The following TBC1D14 variants were observed in gnomAD, a reference collection of about 807,000 sequenced individuals.
TBC1D14 encodes TBC1 domain family member 14, also known as TBC1 domain family, member 14.
A neutral mutation model predicts 79.0 loss-of-function variants in TBC1D14; 26 were observed. The observed-to-expected ratio is 0.33, with a 90% CI of 0.24 to 0.46. The LOEUF (loss-of-function observed/expected upper bound fraction) is 0.46, where lower values mean the gene tolerates loss of function less well. Ranked by LOEUF, TBC1D14 falls within the 20% of genes least tolerant of loss-of-function variation. The pLI is 1.00. For synonymous variants in TBC1D14, 394 were observed against 349.9 expected, an observed-to-expected ratio of 1.13 and a Z score of -1.40; for missense variants, 769 against 887.6, an observed-to-expected ratio of 0.87 and a Z score of 1.70.
In TBC1D14 at chr4:7,023,051, C is replaced by G. The variant is rs1560364031; in HGVS notation, c.1758-1953C>G. On this transcript the variant is annotated intron_variant, in intron 12 of 13. Coordinates refer to ENST00000409757, the MANE Select transcript of TBC1D14 (RefSeq NM_020773.3). ...TAGGTGAATCACGAGGTCAGGAGTTCAAGACCAGCCGGGCCAAGATGGTGA... is the reference window on the plus strand; with the variant it reads ...TAGGTGAATCACGAGGTCAGGAGTTGAAGACCAGCCGGGCCAAGATGGTGA... 2.0e-5 allele frequency among the ~76,000 whole-genome samples: 3 copies of G among 152,166 alleles called. No homozygotes were observed. In the East Asian group the frequency reaches 5.8e-4, roughly 30 times the overall value.
chr4:7,026,001 T>C (rs747828983), intron 13 of TBC1D14, among the ~76,000 whole-genome samples: 10 of 152,210 alleles, frequency 6.6e-5, no homozygotes, highest in Non-Finnish European at 1.0e-4. Context: ...ATGAAGACTT[T>C]TCCTTTTCTG....
intron 1 of TBC1D14, among the ~76,000 whole-genome samples, chr4:6,921,360 C>T (rs972510387): frequency 6.6e-6 from 1 of 151,984 alleles, no homozygotes; most frequent in Non-Finnish European, 1.5e-5. Flanking sequence ...AGACGTGCCA[C>T]CACACCCAGC....
intron 2 of TBC1D14, among the ~76,000 whole-genome samples, chr4:6,953,127 G>T (rs1403869252): frequency 6.7e-6 from 1 of 148,234 alleles, no homozygotes; most frequent in African/African-American, 2.5e-5. Flanking sequence ...CCAGCTTCAG[G>T]CAGTTCTTTG....
chr4:6,982,673 C>T (rs564334855), intron 3 of TBC1D14, among the ~76,000 whole-genome samples: 6 of 152,238 alleles, frequency 3.9e-5, no homozygotes, highest in East Asian at 1.9e-4. Flanking sequence ...CAGATGAATA[C>T]GCATATAGGT....
intron 1 of TBC1D14, among the ~76,000 whole-genome samples, chr4:6,922,961 G>T (rs886272883): frequency 1.2e-4 from 19 of 152,356 alleles, no homozygotes; most frequent in African/African-American, 4.6e-4. Context: ...AGCATTTTGG[G>T]AGGCCGAGGT....
intron 3 of TBC1D14, among the ~76,000 whole-genome samples, chr4:6,992,394 G>C (rs1718595630): frequency 6.6e-6 from 1 of 152,232 alleles, no homozygotes; most frequent in South Asian, 2.1e-4. Context: ...CTGGCTGTAT[G>C]CTTCAGGCAA....
At chr4:6,964,875 A>G (rs1390602926) in intron 2 of TBC1D14, among the ~76,000 whole-genome samples, 2 of 152,204 alleles carry the variant, frequency 1.3e-5, no homozygotes, top group Non-Finnish European at 2.9e-5. Context: ...CGGAACTCCA[A>G]TATATTCTTT....
intron 2 of TBC1D14, among the ~76,000 whole-genome samples, chr4:6,947,756 A>C (rs947519231): frequency 3.9e-5 from 6 of 151,936 alleles, no homozygotes; most frequent in Non-Finnish European, 8.8e-5. Context: ...TGTTTGAAGG[A>C]GATTTCAAGG....
chr4:6,965,355 C>T (rs1715609856), intron 2 of TBC1D14, among the ~76,000 whole-genome samples: 1 of 152,104 alleles, frequency 6.6e-6, no homozygotes, highest in South Asian at 2.1e-4. Context: ...GAAACAGTTC[C>T]TCAGCCTTTC....
At chr4:6,912,601 G>T (rs561423803) in intron 1 of TBC1D14, among the ~76,000 whole-genome samples, 1 of 152,204 alleles carries the variant, frequency 6.6e-6, no homozygotes, top group East Asian at 1.9e-4. Flanking sequence ...GCTGTACATT[G>T]TGGCCTTGTA....
At chr4:6,962,390 G>A (rs1030080296) in intron 2 of TBC1D14, among the ~76,000 whole-genome samples, 1 of 152,078 alleles carries the variant, frequency 6.6e-6, no homozygotes, top group Non-Finnish European at 1.5e-5. Context: ...TTTACTTGCC[G>A]TGCCCTTGAT....
intron 11 of TBC1D14, among the ~76,000 whole-genome samples, chr4:7,013,018 G>T (rs1410346727): frequency 6.6e-6 from 1 of 152,058 alleles, no homozygotes; most frequent in African/African-American, 2.4e-5. Flanking sequence ...CTAAGTTTCT[G>T]CTGATTTTGA....
At chr4:7,001,944 C>T (rs1458238677) in intron 7 of TBC1D14, among the ~76,000 whole-genome samples, 2 of 152,198 alleles carry the variant, frequency 1.3e-5, no homozygotes, top group Non-Finnish European at 2.9e-5. Flanking sequence ...TGTGGAAAGA[C>T]GGGGCTACCT....
chr4:6,990,952 T>C (rs895532976), intron 3 of TBC1D14, among the ~76,000 whole-genome samples: 2 of 152,212 alleles, frequency 1.3e-5, no homozygotes, highest in African/African-American at 4.8e-5. Flanking sequence ...TCCTCTTTCT[T>C]CTTTCTAAAG....
chr4:7,007,612 G>C, intron 9 of TBC1D14: 1 of 1,289,162 alleles, frequency 7.8e-7, no homozygotes, highest in Non-Finnish European at 1.0e-6. Context: ...CAGCAGCTTT[G>C]GTCCTGGTGT....
intron 11 of TBC1D14, among the ~76,000 whole-genome samples, chr4:7,012,366 C>T (rs1720868154): frequency 6.6e-6 from 1 of 151,360 alleles, no homozygotes; most frequent in South Asian, 2.1e-4. Flanking sequence ...TAAATTGGCA[C>T]AGTCCTTTTG....
At position 7,030,599 on chromosome 4, in the gene TBC1D14, T is replaced by C. The variant is rs1205851953; in HGVS notation, c.*207T>C. 2.0e-6 allele frequency: 1 copy of C among 499,496 alleles called. No individual in the cohort carries two copies. The highest frequency in any genetic ancestry group is 3.6e-6 in the Non-Finnish European group (1 of 274,070). The allele number at this position is 499,496 out of a possible 1,614,324, so 30.9% of individuals were successfully genotyped here. On this transcript the variant is annotated 3_prime_UTR_variant, in exon 14 of 14. Coordinates refer to ENST00000409757, the MANE Select transcript of TBC1D14 (RefSeq NM_020773.3). Reference sequence around the variant, plus strand: ...AGCCTTAAGCAGCTCAGTGGAAGGATGAGCTGCTGCGGACCACAGCCAGCC... The same window carrying C: ...AGCCTTAAGCAGCTCAGTGGAAGGACGAGCTGCTGCGGACCACAGCCAGCC...
At position 6,923,827 on chromosome 4, in the gene TBC1D14, A is replaced by C. The variant is rs759191151; in HGVS notation, c.438A>C (p.Lys146Asn). Reference protein sequence around the residue: ...DSVKLYSPTSKALTRSDDVSV... With the variant: ...DSVKLYSPTSNALTRSDDVSV... ...TAAAGCTCTATAGCCCGACCTCCAA[A>C]GCCCTGACCCGCAGCGATGATGTCT... Residue 146 changes from lysine to asparagine, a missense_variant, in exon 2 of 14, where the codon AAA (lysine) becomes AAC (asparagine). Physicochemically the swap from Lys to Asn is moderately conservative, Grantham distance 94. Transcript: ENST00000409757. The C allele has an allele frequency of 6.2e-7, 1 of 1,614,058 alleles. No homozygotes were observed. The highest frequency in any genetic ancestry group is 8.5e-7 in the Non-Finnish European group (1 of 1,180,044).
Position 6,971,146 on chromosome 4 carries a change from G to A in TBC1D14, c.843+3722G>A, listed in dbSNP as rs544075770. ...CTGGCCAGGAGCTTTGGACTTGCAGGCTTGGGTTTGGTTTCTGGCTTCACC... is the reference window on the plus strand; with the variant it reads ...CTGGCCAGGAGCTTTGGACTTGCAGACTTGGGTTTGGTTTCTGGCTTCACC... On this transcript the variant is annotated intron_variant, in intron 3 of 13. Transcript: ENST00000409757. Among the ~76,000 whole-genome samples, 8 of 152,354 alleles carry A rather than the reference G, an allele frequency of 5.3e-5. 1 individual carries two copies. In the East Asian group the frequency reaches 1.5e-3, roughly 29 times the overall value.
Sources: allele counts gnomAD v4.1 joint callset (sites outside exome capture counted in the v4.1 genomes callset), GRCh38; gene constraint gnomAD v4.1.1; transcripts MANE v1.5; gene names NCBI Gene and HGNC (gene_info 2026-07-23, HGNC 2026-07-21).